CYP4F11: variants seen among roughly 807,000 people sequenced by gnomAD.
The protein encoded by CYP4F11 is cytochrome P450 family 4 subfamily F member 11, also known as cytochrome P450 4F11.
CYP4F11 carries 79 observed loss-of-function variants against 62.2 expected under a neutral mutation model. The ratio of observed to expected loss-of-function variants is 1.27; its 90% CI spans 1.06 to 1.53. The LOEUF (loss-of-function observed/expected upper bound fraction) is 1.53. CYP4F11 is among the 40% of genes most tolerant of loss of function. The pLI is 0.00. For synonymous variants in CYP4F11, 290 were observed against 263.7 expected (o/e 1.10, Z -0.97); for missense variants, 777 against 680.5 (o/e 1.14, Z -1.58).
chr19:15,927,632 G>T (rs2089680794), intron 2 of CYP4F11, 149 bp from the exon 3 acceptor site: 2 of 1,046,818 alleles, frequency 1.9e-6, no homozygotes, highest in South Asian at 1.5e-5. Context: ...AAGAAGGGAG[G>T]ATGGTGGAGG....
At chr19:15,926,516 G>T (rs1185370628) in intron 4 of CYP4F11, among the ~76,000 whole-genome samples, 1 of 152,198 alleles carries the variant, frequency 6.6e-6, no homozygotes, top group East Asian at 1.9e-4. Context: ...ATTAAGAGAT[G>T]GAGACTGTTT....
rs985706369 is a variant in CYP4F11 at position 15,913,183 on chromosome 19, C to T, written c.*549G>A. Reference sequence around the variant, plus strand: ...AGCAGTCTGGCTCCAGATCCTATGCCTCTGAAAGTAAGGGAAGAGAGTCAC... The same window carrying T: ...AGCAGTCTGGCTCCAGATCCTATGCTTCTGAAAGTAAGGGAAGAGAGTCAC... On this transcript the variant is annotated 3_prime_UTR_variant, in exon 12 of 12. Coordinates refer to ENST00000402119, the MANE Select transcript of CYP4F11 (RefSeq NM_021187.4). The T allele has an allele frequency of 5.6e-5, 9 of 160,528 alleles. No homozygotes were observed. Among genetic ancestry groups the T allele is most frequent in the Admixed American group, 3.9e-4 (7 of 17,758 alleles). The allele number at this position is 160,528 out of a possible 1,614,324, so 9.9% of individuals were successfully genotyped here.
chr19:15,924,050 T>C lies in CYP4F11; in HGVS notation c.680A>G (p.Glu227Gly). Residue 227 changes from glutamate to glycine, a missense_variant, in exon 6 of 12, where the codon GAG becomes GGG. Transcript: ENST00000402119. Reference sequence around the variant, plus strand: ...TCTCTTTTCTACAAAGGCACTGAGCTCCAAGATGGCGGCAATATATTCACT... The same window carrying C: ...TCTCTTTTCTACAAAGGCACTGAGCCCCAAGATGGCGGCAATATATTCACT... ...KPSEYIAAIL[E>G]LSAFVEKRNQ... 1 of 1,614,028 alleles carries C rather than the reference T, an allele frequency of 6.2e-7. No individual in the cohort carries two copies. The highest frequency in any genetic ancestry group is 8.5e-7 in the Non-Finnish European group (1 of 1,179,946).
intron 11 of CYP4F11, 33 bp downstream of exon 11, chr19:15,914,272 G>A: frequency 6.2e-7 from 1 of 1,606,476 alleles, no homozygotes; most frequent in East Asian, 2.2e-5. Flanking sequence ...CACCCATCAT[G>A]CCATCTCTGC....
intron 4 of CYP4F11, 26 bp from the exon 5 acceptor site, chr19:15,924,908 AG>A: frequency 1.3e-6 from 2 of 1,597,544 alleles, no homozygotes; most frequent in South Asian, 2.2e-5. Flanking sequence ...ACAGAGCCAA[AG>A]CTGGGAACTG....
chr19:15,929,493 G>A lies in CYP4F11; in HGVS notation c.307C>T (p.His103Tyr), dbSNP rs866760631. 3 of 1,614,104 alleles carry A rather than the reference G, an allele frequency of 1.9e-6. No homozygotes were observed. The South Asian group carries it at 3.3e-5, about 18-fold the overall frequency. ...GPTFPLLILC[H>Y]PDIIRPITSA... ...GTGATAGGCCGGATAATGTCAGGGT[G>A]GCATAAAATGAGGAGGGGGAAGGTA... The change falls in exon 2 of 12, where the codon CAC becomes TAC. Residue 103 changes from histidine to tyrosine, a missense_variant. Physicochemically the swap from His to Tyr is moderately conservative, Grantham distance 83 (BLOSUM62 2). Coordinates refer to ENST00000402119, the MANE Select transcript of CYP4F11 (RefSeq NM_021187.4).
intron 11 of CYP4F11, 137 bp from the exon 12 acceptor site, chr19:15,914,046 A>G (rs2089561300): frequency 8.4e-7 from 1 of 1,187,518 alleles, no homozygotes; most frequent in African/African-American, 1.5e-5. Context: ...TGTCCACAGG[A>G]CTCCCATGTG....
intron 4 of CYP4F11, among the ~76,000 whole-genome samples, chr19:15,926,614 G>T (rs932749466): frequency 6.6e-6 from 1 of 152,188 alleles, no homozygotes; most frequent in Admixed American, 6.5e-5. Context: ...CAGTCTCCTG[G>T]CAGTCTCTCA....
chr19:15,927,724 A>G lies in CYP4F11; in HGVS notation c.344-241T>C, dbSNP rs186853216. ...CAGCACACAGTGACATATCTCCTAC[A>G]AGGTCCAACATGTTCTGCAACACCT... On this transcript the variant is annotated intron_variant, in intron 2 of 11. Transcript: ENST00000402119. 7.4e-4 allele frequency: 426 copies of G among 575,854 alleles called. 3 individuals are homozygous for G. The highest frequency in any genetic ancestry group is 5.1e-3 in the African/African-American group (274 of 53,550). 35.7% of individuals were successfully genotyped at this position (575,854 alleles called of 1,614,324 possible).
rs569719220 is a variant in CYP4F11 at position 15,922,436 on chromosome 19, G to A, written c.919-6C>T. ...AATTCCTTCCCATCTTCATCCTGGA[G>A]AGAAGGCAAGACAATATCCCTGCCC... On this transcript the variant is annotated splice_polypyrimidine_tract_variant and splice_region_variant and intron_variant, in intron 6 of 11. Coordinates refer to ENST00000402119, the MANE Select transcript of CYP4F11 (RefSeq NM_021187.4). 149 of 1,614,012 alleles carry A rather than the reference G, an allele frequency of 9.2e-5. 1 individual carries two copies. In the South Asian group the frequency reaches 1.6e-3, roughly 17 times the overall value.
At chr19:15,934,113 C>A in intron 1 of CYP4F11, 98 bp downstream of exon 1, 1 of 1,335,830 alleles carries the variant, frequency 7.5e-7, no homozygotes, top group Non-Finnish European at 1.1e-6. Context: ...TTCCCACACC[C>A]CAGCCACCCT....
intron 5 of CYP4F11, 74 bp downstream of exon 5, chr19:15,924,687 C>T (rs1015562016): frequency 2.1e-5 from 33 of 1,560,274 alleles, no homozygotes; most frequent in African/African-American, 4.1e-5. Context: ...CTGGTTACCC[C>T]GGTCAGCCAT....
chr19:15,929,396 G>A (rs1231155414), intron 2 of CYP4F11, 61 bp downstream of exon 2: 6 of 1,607,298 alleles, frequency 3.7e-6, no homozygotes, highest in Non-Finnish European at 5.1e-6. Context: ...TTGGGGAGGG[G>A]AGAGGCTAGA....
In CYP4F11 at chr19:15,913,133, G is replaced by T; in HGVS notation, c.*599C>A. The T allele has an allele frequency of 6.3e-6, 1 of 157,806 alleles. No homozygotes were observed. The highest frequency in any genetic ancestry group is 1.4e-5 in the Non-Finnish European group (1 of 70,910). 9.8% of individuals were successfully genotyped at this position (157,806 alleles called of 1,614,324 possible). A position where few individuals can be genotyped will look rare whatever the true frequency, so the allele number is the denominator to read the frequency against. On this transcript the variant is annotated 3_prime_UTR_variant, in exon 12 of 12. Transcript: ENST00000402119. Reference sequence around the variant, plus strand: ...AGAGGAATTAACTTGCTCAAGTCACGCAGCAGAGCCAGGACTTGAGCCCAA... The same window carrying T: ...AGAGGAATTAACTTGCTCAAGTCACTCAGCAGAGCCAGGACTTGAGCCCAA...
intron 6 of CYP4F11, among the ~76,000 whole-genome samples, chr19:15,922,989 T>C (rs969264011): frequency 6.6e-6 from 1 of 152,000 alleles, no homozygotes; most frequent in African/African-American, 2.4e-5. Flanking sequence ...AGGCAGAGGT[T>C]GCAGTGAGCC....
chr19:15,919,471 T>TATAGATAGATAGATAGATAG (rs3056072), intron 8 of CYP4F11, among the ~76,000 whole-genome samples: 67 of 136,670 alleles, frequency 4.9e-4, no homozygotes, highest in East Asian at 1.1e-3. Context: ...TGGACAGATG[T>TATAGATAGATAGATAGATAG]ATAGATAGAT....
Position 15,929,502 on chromosome 19 carries a change from TGAG to T in CYP4F11, c.295_297del (p.Leu99del), listed in dbSNP as rs1435895006. 1 of 1,613,874 alleles carries T rather than the reference TGAG, an allele frequency of 6.2e-7. No homozygotes were observed. The highest frequency in any genetic ancestry group is 8.5e-7 in the Non-Finnish European group (1 of 1,179,948). ...CGGATAATGTCAGGGTGGCATAAAA[TGAG>T]GAGGGGGAAGGTAGGACCCAGCCAC... On this transcript the variant is annotated inframe_deletion, in exon 2 of 12. Transcript: ENST00000402119.
chr19:15,920,355 ATACAG>A (rs990243928), intron 8 of CYP4F11, among the ~76,000 whole-genome samples: 4 of 152,228 alleles, frequency 2.6e-5, no homozygotes, highest in Non-Finnish European at 5.9e-5. Context: ...ATGTGTTCAT[ATACAG>A]TGGGCATCAG....
rs149698826 is a variant in CYP4F11 at position 15,934,312 on chromosome 19, G to A, written c.97C>T (p.Arg33Cys). 293 of 1,612,750 alleles carry A rather than the reference G, an allele frequency of 1.8e-4. No individual in the cohort carries two copies. Among genetic ancestry groups the A allele is most frequent in the Non-Finnish European group, 2.3e-4 (275 of 1,179,510 alleles). ...AAGGTGTAGGTCCAGGCCAGGACGCGGGCCAGGAGCCAGGAGCCTCCAACC... is the reference window on the plus strand; with the variant it reads ...AAGGTGTAGGTCCAGGCCAGGACGCAGGCCAGGAGCCAGGAGCCTCCAACC... ...LLVGGSWLLA[R>C]VLAWTYTFYD... The change falls in exon 1 of 12, where the codon CGC (arginine) becomes TGC (cysteine). Residue 33 changes from arginine to cysteine, a missense_variant. Physicochemically the swap from Arg to Cys is radical, Grantham distance 180. Coordinates refer to ENST00000402119, the MANE Select transcript of CYP4F11 (RefSeq NM_021187.4).
Sources: allele counts gnomAD v4.1 joint callset (sites outside exome capture counted in the v4.1 genomes callset), GRCh38; gene constraint gnomAD v4.1.1; transcripts MANE v1.5; gene names NCBI Gene and HGNC (gene_info 2026-07-23, HGNC 2026-07-21).